Variants in EPB41L4A observed in about 807,000 individuals in gnomAD.
EPB41L4A encodes band 4.1-like protein 4A.
A neutral mutation model predicts 108.6 loss-of-function variants in EPB41L4A; 100 were observed. The observed-to-expected ratio is 0.92, with a 90% CI of 0.78 to 1.09. The LOEUF is 1.09. Among genes scored for constraint, EPB41L4A ranks in the 50% least tolerant of loss-of-function variants. The pLI, the probability that EPB41L4A is intolerant of heterozygous loss-of-function variation, is 0.00. For synonymous variants in EPB41L4A, 319 were observed against 289.0 expected (o/e 1.10, Z -1.05); for missense variants, 1,030 against 842.7 (o/e 1.22, Z -2.75).
intron 15 of EPB41L4A, among the ~76,000 whole-genome samples, chr5:112,200,036 C>A (rs900729132): frequency 2.0e-5 from 3 of 152,218 alleles, no homozygotes; most frequent in Non-Finnish European, 2.9e-5. Flanking sequence ...GGACCAAAAT[C>A]CTGAACAAAG....
At chr5:112,408,196 T>C (rs887977063) in intron 1 of EPB41L4A, among the ~76,000 whole-genome samples, 8 of 152,130 alleles carry the variant, frequency 5.3e-5, no homozygotes, top group African/African-American at 1.9e-4. Context: ...TTGCGACATG[T>C]GCAAATGAAG....
intron 1 of EPB41L4A, among the ~76,000 whole-genome samples, chr5:112,375,385 C>A (rs1759755845): frequency 6.6e-6 from 1 of 150,714 alleles, no homozygotes; most frequent in South Asian, 2.1e-4. Flanking sequence ...AAAAAAGCTA[C>A]CTAAAACAGA....
chr5:112,325,971 G>GT lies in EPB41L4A; in HGVS notation c.100-18482dup, dbSNP rs1756130383. ...GTTTGAGACCAGCTAGGGCAACATT[G>GT]TAAGACCCATCTCTAAATAAATTTT... On this transcript the variant is annotated intron_variant, in intron 1 of 22. Transcript: ENST00000261486. 2.6e-5 allele frequency among the ~76,000 whole-genome samples: 4 copies of GT among 152,082 alleles called. 1 individual carries two copies. The highest frequency in any genetic ancestry group is 2.6e-4 in the Admixed American group (4 of 15,266).
intron 1 of EPB41L4A, among the ~76,000 whole-genome samples, chr5:112,399,375 T>C (rs1370842187): frequency 1.3e-5 from 2 of 152,060 alleles, no homozygotes; most frequent in Admixed American, 6.6e-5. Flanking sequence ...CTCCCAGACC[T>C]GTGTAATCAC....
At chr5:112,280,165 A>G in intron 3 of EPB41L4A, 107 bp downstream of exon 3, 1 of 874,308 alleles carries the variant, frequency 1.1e-6, no homozygotes, top group Non-Finnish European at 1.9e-6. Flanking sequence ...AAGTACTAGT[A>G]TTCACTTCTT....
At chr5:112,154,509 T>C (rs1053036490) in intron 12 of EPB41L4A, among the ~76,000 whole-genome samples, 1 of 152,230 alleles carries the variant, frequency 6.6e-6, no homozygotes, top group Non-Finnish European at 1.5e-5. Context: ...AGATAGTTTT[T>C]TCTTCAATAC....
In EPB41L4A at chr5:112,208,564, T is replaced by C. The variant is rs556347662; in HGVS notation, c.1178+1328A>G. ...ACATAAAGATGGGAACAATAGACAC[T>C]GGGGACCACTAGAGGAGGAGAGGGG... On this transcript the variant is annotated intron_variant, in intron 13 of 22. Coordinates refer to ENST00000261486, the MANE Select transcript of EPB41L4A (RefSeq NM_022140.5). Among the ~76,000 whole-genome samples the C allele has an allele frequency of 2.7e-4, 41 of 152,160 alleles. 1 individual carries two copies. The highest frequency in any genetic ancestry group is 2.3e-3 in the South Asian group (11 of 4,822).
chr5:112,203,808 G>A (rs1436078355), intron 15 of EPB41L4A, among the ~76,000 whole-genome samples: 2 of 152,058 alleles, frequency 1.3e-5, no homozygotes, highest in Non-Finnish European at 2.9e-5. Flanking sequence ...TTGGGAGGCC[G>A]AGGCGGGTGG....
chr5:112,221,265 C>T (rs1028212704), intron 12 of EPB41L4A, among the ~76,000 whole-genome samples: 1 of 152,174 alleles, frequency 6.6e-6, no homozygotes, highest in Non-Finnish European at 1.5e-5. Context: ...ATTATCCTTC[C>T]GGACACTTAG....
chr5:112,267,852 T>C (rs1751971200), intron 4 of EPB41L4A, among the ~76,000 whole-genome samples: 2 of 152,200 alleles, frequency 1.3e-5, no homozygotes, highest in East Asian at 3.8e-4. Flanking sequence ...CTCCTTAAGA[T>C]AGCTTGTAAA....
chr5:112,345,756 T>A (rs1021227096), intron 1 of EPB41L4A, among the ~76,000 whole-genome samples: 1 of 132,320 alleles, frequency 7.6e-6, no homozygotes, highest in Non-Finnish European at 1.6e-5. Flanking sequence ...ACAGGATGCA[T>A]ATATATATAT....
At chr5:112,395,494 A>T (rs1440385264) in intron 1 of EPB41L4A, among the ~76,000 whole-genome samples, 2 of 152,248 alleles carry the variant, frequency 1.3e-5, no homozygotes, top group African/African-American at 2.4e-5. Context: ...CACATGAAAA[A>T]ATGCTCATCA....
At chr5:112,262,820 A>G (rs186253036) in intron 6 of EPB41L4A, among the ~76,000 whole-genome samples, 14 of 152,276 alleles carry the variant, frequency 9.2e-5, no homozygotes, top group Admixed American at 9.2e-4. Context: ...GCCTATCCCC[A>G]ATGTCCCAGC....
At chr5:112,155,442 G>A (rs1759614913) in intron 12 of EPB41L4A, among the ~76,000 whole-genome samples, 1 of 151,944 alleles carries the variant, frequency 6.6e-6, no homozygotes, top group Non-Finnish European at 1.5e-5. Flanking sequence ...AGCATCATGT[G>A]TCAGCATATC....
intron 1 of EPB41L4A, among the ~76,000 whole-genome samples, chr5:112,378,199 T>C (rs548853844): frequency 6.6e-6 from 1 of 151,542 alleles, no homozygotes; most frequent in South Asian, 2.1e-4. Flanking sequence ...CTCCTGGTAT[T>C]TCCCAGCCTC....
At chr5:112,361,974 G>C (rs1172939387) in intron 1 of EPB41L4A, among the ~76,000 whole-genome samples, 1 of 152,114 alleles carries the variant, frequency 6.6e-6, no homozygotes, top group Non-Finnish European at 1.5e-5. Context: ...CTTCCTTCTT[G>C]ATAAACCAAG....
intron 1 of EPB41L4A, among the ~76,000 whole-genome samples, chr5:112,369,612 T>C (rs1177993201): frequency 6.6e-6 from 1 of 152,224 alleles, no homozygotes; most frequent in Non-Finnish European, 1.5e-5. Flanking sequence ...TTATTGAATA[T>C]TTATAAAACT....
chr5:112,360,390 C>T (rs947432800), intron 1 of EPB41L4A, among the ~76,000 whole-genome samples: 3 of 152,260 alleles, frequency 2.0e-5, no homozygotes, highest in African/African-American at 7.2e-5. Flanking sequence ...TCTCCTGCCT[C>T]AGCCTGCCCA....
At chr5:112,169,535 TAA>T (rs1437013061) in intron 20 of EPB41L4A, among the ~76,000 whole-genome samples, 1 of 152,110 alleles carries the variant, frequency 6.6e-6, no homozygotes, top group East Asian at 1.9e-4. Context: ...AAGTAGATCT[TAA>T]GTGTTCTCTC....
Sources: allele counts gnomAD v4.1 joint callset (sites outside exome capture counted in the v4.1 genomes callset), GRCh38; gene constraint gnomAD v4.1.1; transcripts MANE v1.5; gene names NCBI Gene and HGNC (gene_info 2026-07-23, HGNC 2026-07-21).